Variants in JHY observed in about 807,000 individuals in gnomAD.
The protein encoded by JHY is junctional cadherin complex regulator.
JHY carries 69 observed loss-of-function variants against 78.0 expected under a neutral mutation model. That is an observed-to-expected ratio of 0.88 (90% confidence interval 0.73 to 1.08). The LOEUF (loss-of-function observed/expected upper bound fraction) is 1.08, where lower values mean the gene tolerates loss of function less well. Ranked by LOEUF, JHY falls within the 50% of genes least tolerant of loss-of-function variation. The pLI, the probability that JHY is intolerant of heterozygous loss-of-function variation, is 0.00. For missense variants in JHY, 944 were observed against 927.8 expected (o/e 1.02, Z -0.23); for synonymous variants, 368 against 342.6 (o/e 1.07, Z -0.82).
intron 4 of JHY, among the ~76,000 whole-genome samples, chr11:122,932,447 G>C (rs1405586224): frequency 1.3e-5 from 2 of 152,114 alleles, no homozygotes. Context: ...TGGTAACCCA[G>C]GATTTCACAT....
chr11:122,954,106 C>G (rs1046710975), intron 6 of JHY, among the ~76,000 whole-genome samples: 1 of 152,164 alleles, frequency 6.6e-6, no homozygotes, highest in Non-Finnish European at 1.5e-5. Context: ...TTCTTACATA[C>G]AATTAGTCCA....
intron 5 of JHY, among the ~76,000 whole-genome samples, chr11:122,939,279 C>T (rs886849145): frequency 1.3e-5 from 2 of 152,186 alleles, no homozygotes; most frequent in African/African-American, 4.8e-5. Context: ...AGCCACCGCA[C>T]CCAACCCTGA....
chr11:122,904,041 C>G lies in JHY; in HGVS notation c.461C>G (p.Ser154Cys). The G allele has an allele frequency of 6.2e-7, 1 of 1,614,126 alleles. No individual in the cohort carries two copies. The highest frequency in any genetic ancestry group is 1.1e-5 in the South Asian group (1 of 91,086). ...GCGTTGCCGGAGTCCACGGACAGCT[C>G]TTTAGAAAATCTGCCTTTGGCTCCC... is the stretch of plus-strand genomic sequence containing the variant. ...VEALPESTDS[S>C]LENLPLAPLY... Residue 154 changes from serine (S) to cysteine (C), a missense_variant, in exon 3 of 9, where the codon TCT (serine) becomes TGT (cysteine). Physicochemically the swap from Ser to Cys is moderately radical, Grantham distance 112. Coordinates refer to ENST00000227349, the MANE Select transcript of JHY (RefSeq NM_024806.4).
intron 7 of JHY, 76 bp downstream of exon 7, chr11:122,956,652 C>G: frequency 8.2e-7 from 1 of 1,220,588 alleles, no homozygotes; most frequent in South Asian, 1.3e-5. Context: ...ATGAAGACGC[C>G]CCCCAGAATT....
chr11:122,915,773 C>A (rs1016651471), intron 3 of JHY, among the ~76,000 whole-genome samples: 2 of 152,068 alleles, frequency 1.3e-5, no homozygotes, highest in Admixed American at 1.3e-4. Context: ...CTCAGCCTCC[C>A]GAAGTGATGG....
chr11:122,932,040 A>C (rs1863648219), intron 4 of JHY, among the ~76,000 whole-genome samples: 1 of 152,232 alleles, frequency 6.6e-6, no homozygotes, highest in African/African-American at 2.4e-5. Flanking sequence ...TGTTGGTAAC[A>C]AAAGAACCCC....
In JHY at chr11:122,934,671, G is replaced by T. The variant is rs1226761597; in HGVS notation, c.1230G>T (p.Lys410Asn). ...NQNKPLDTST[K>N]PESIVIMHAS... ...ATAAGCCTCTTGATACTTCAACAAA[G>T]CCTGAATCGATTGTGATTATGCATG... is the stretch of plus-strand genomic sequence containing the variant. Residue 410 changes from lysine (K) to asparagine (N), a missense_variant, in exon 5 of 9, where the codon AAG (lysine) becomes AAT (asparagine). Lys to Asn is a moderately conservative substitution (Grantham distance 94). Transcript: ENST00000227349. 6.2e-7 allele frequency: 1 copy of T among 1,614,118 alleles called. No homozygotes were observed.
intron 3 of JHY, among the ~76,000 whole-genome samples, chr11:122,908,978 C>T (rs188780386): frequency 1.3e-5 from 2 of 152,274 alleles, no homozygotes; most frequent in Admixed American, 6.5e-5. Flanking sequence ...CAGACTGTTC[C>T]TCTCATTACT....
At chr11:122,948,785 AAAG>A (rs1167175691) in intron 6 of JHY, among the ~76,000 whole-genome samples, 2 of 152,034 alleles carry the variant, frequency 1.3e-5, no homozygotes, top group African/African-American at 4.8e-5. Flanking sequence ...AAGAGTTGGC[AAAG>A]AAGACTGCAA....
chr11:122,889,094 A>G (rs1188341619), intron 2 of JHY, among the ~76,000 whole-genome samples: 1 of 152,192 alleles, frequency 6.6e-6, no homozygotes, highest in South Asian at 2.1e-4. Context: ...GCAAGTTACC[A>G]GTCCTCAGAA....
intron 6 of JHY, among the ~76,000 whole-genome samples, chr11:122,948,010 G>A (rs1317911852): frequency 6.6e-6 from 1 of 152,122 alleles, no homozygotes; most frequent in Non-Finnish European, 1.5e-5. Flanking sequence ...TGTTTAGGGA[G>A]GAACTCAGCT....
intron 1 of JHY, among the ~76,000 whole-genome samples, chr11:122,885,223 T>C (rs1294056339): frequency 1.3e-5 from 2 of 152,172 alleles, no homozygotes; most frequent in Non-Finnish European, 2.9e-5. Flanking sequence ...CTTTTCCAAA[T>C]GATGTTGCCA....
intron 5 of JHY, among the ~76,000 whole-genome samples, chr11:122,937,840 G>A (rs1353169732): frequency 6.6e-6 from 1 of 152,094 alleles, no homozygotes; most frequent in East Asian, 1.9e-4. Flanking sequence ...AATGTTTTGA[G>A]ATCTTGCTGA....
At chr11:122,919,525 G>T (rs896110771) in intron 3 of JHY, among the ~76,000 whole-genome samples, 57 of 152,262 alleles carry the variant, frequency 3.7e-4, no homozygotes, top group Non-Finnish European at 8.2e-4. Flanking sequence ...AGCTGAAGAA[G>T]TAGACAGGAA....
intron 3 of JHY, among the ~76,000 whole-genome samples, chr11:122,906,190 G>GA (rs1429691864): frequency 6.6e-6 from 1 of 151,842 alleles, no homozygotes; most frequent in Non-Finnish European, 1.5e-5. Flanking sequence ...CAATATCTTT[G>GA]AAAAAAAATT....
At chr11:122,954,079 G>A (rs2135381342) in intron 6 of JHY, among the ~76,000 whole-genome samples, 1 of 152,306 alleles carries the variant, frequency 6.6e-6, no homozygotes, top group South Asian at 2.1e-4. Flanking sequence ...AGTGATTTCT[G>A]AAATATGAGT....
chr11:122,924,304 C>G (rs1369192708), intron 3 of JHY, among the ~76,000 whole-genome samples: 4 of 151,944 alleles, frequency 2.6e-5, no homozygotes, highest in Non-Finnish European at 5.9e-5. Flanking sequence ...TGTGCAGGCT[C>G]CGGAGATAGA....
chr11:122,946,438 T>C, intron 5 of JHY, 60 bp from the exon 6 acceptor site: 1 of 1,495,688 alleles, frequency 6.7e-7, no homozygotes, highest in Non-Finnish European at 8.9e-7. Flanking sequence ...ACTTTTATGC[T>C]AGATGTCTTA....
chr11:122,943,955 C>T (rs994376663), intron 5 of JHY, among the ~76,000 whole-genome samples: 1 of 152,150 alleles, frequency 6.6e-6, no homozygotes, highest in African/African-American at 2.4e-5. Context: ...CCTGTAATAA[C>T]AGCACTTTGG....
Sources: gnomAD v4.1 joint callset for allele counts (sites outside exome capture counted in the v4.1 genomes callset) on GRCh38, gnomAD v4.1.1 for gene constraint, MANE v1.5 for transcripts, NCBI Gene and HGNC (gene_info 2026-07-23, HGNC 2026-07-21) for gene names.